TFEC: variants seen among roughly 807,000 people sequenced by gnomAD.
TFEC encodes class E basic helix-loop-helix protein 34.
A neutral mutation model predicts 41.6 loss-of-function variants in TFEC; 31 were observed. The ratio of observed to expected loss-of-function variants is 0.74; its 90% CI spans 0.56 to 1.01. The LOEUF is 1.01. Ranked by LOEUF, TFEC falls within the 50% of genes least tolerant of loss-of-function variation. The probability of loss-of-function intolerance (pLI) is 0.00; values close to 1 mark genes in which losing one functional copy is unlikely to be tolerated. For synonymous variants in TFEC, 143 were observed against 140.6 expected (o/e 1.02, Z -0.12); for missense variants, 402 against 404.1 (o/e 0.99, Z 0.04).
chr7:116,003,123 AAGAC>A (rs1256267166), intron 1 of TFEC, among the ~76,000 whole-genome samples: 18 of 152,122 alleles, frequency 1.2e-4, no homozygotes, highest in African/African-American at 3.4e-4. Flanking sequence ...CATCAACTAA[AAGAC>A]AGATAACAAG....
intron 1 of TFEC, among the ~76,000 whole-genome samples, chr7:116,113,131 T>G (rs1223576444): frequency 6.6e-6 from 1 of 152,012 alleles, no homozygotes; most frequent in East Asian, 1.9e-4. Context: ...TTTTTCCTTT[T>G]CCCTATTTCT....
chr7:116,135,487 C>T (rs1431368781), intron 1 of TFEC, among the ~76,000 whole-genome samples: 1 of 152,124 alleles, frequency 6.6e-6, no homozygotes, highest in African/African-American at 2.4e-5. Context: ...CTCATTAAAA[C>T]GTTCCCAAAG....
chr7:116,154,314 T>C (rs10268397), intron 1 of TFEC, among the ~76,000 whole-genome samples: 16,426 of 152,130 alleles, frequency 0.11, 955 homozygotes, highest in African/African-American at 0.15. Context: ...TCCTTTTCTT[T>C]CTCTATCTCC....
At chr7:115,990,247 A>C (rs780407919) in intron 1 of TFEC, among the ~76,000 whole-genome samples, 2 of 152,216 alleles carry the variant, frequency 1.3e-5, no homozygotes, top group African/African-American at 2.4e-5. Context: ...TCAAAGACAA[A>C]AGGTAGATGA....
chr7:115,952,590 A>G (rs917169614), intron 5 of TFEC, among the ~76,000 whole-genome samples: 3 of 152,090 alleles, frequency 2.0e-5, no homozygotes, highest in African/African-American at 7.2e-5. Context: ...GAATGTCAGA[A>G]CCTTCTTCTC....
At chr7:115,954,422 A>C (rs891269656) in intron 5 of TFEC, among the ~76,000 whole-genome samples, 164 bp downstream of exon 5, 3 of 152,066 alleles carry the variant, frequency 2.0e-5, no homozygotes, top group African/African-American at 7.2e-5. Flanking sequence ...AGCTTTTCTG[A>C]GAGCTCACAT....
At chr7:116,003,410 A>T (rs977934697) in intron 1 of TFEC, among the ~76,000 whole-genome samples, 14 of 152,168 alleles carry the variant, frequency 9.2e-5, no homozygotes, top group Admixed American at 3.3e-4. Context: ...TAGATGATTT[A>T]AAAAAAGATC....
At chr7:115,947,721 T>C (rs1328609097) in intron 6 of TFEC, among the ~76,000 whole-genome samples, 2 of 149,894 alleles carry the variant, frequency 1.3e-5, no homozygotes, top group Non-Finnish European at 3.0e-5. Flanking sequence ...ATGTCTTCTT[T>C]TGAGAAGTGT....
intron 3 of TFEC, among the ~76,000 whole-genome samples, chr7:116,092,061 C>T (rs191634109): frequency 1.6e-3 from 245 of 152,194 alleles, no homozygotes; most frequent in African/African-American, 5.6e-3. Context: ...CACTGTCCGA[C>T]CTTTGTCTCC....
chr7:115,981,557 G>A (rs1584632614), intron 2 of TFEC, among the ~76,000 whole-genome samples: 1 of 152,152 alleles, frequency 6.6e-6, no homozygotes. Flanking sequence ...ATTAAAATGT[G>A]AATAAGGTAT....
At chr7:115,963,657 C>T (rs965678905) in intron 3 of TFEC, among the ~76,000 whole-genome samples, 17 of 151,536 alleles carry the variant, frequency 1.1e-4, no homozygotes, top group African/African-American at 3.9e-4. Flanking sequence ...AATAAGCCAA[C>T]CACAATAGGA....
intron 1 of TFEC, among the ~76,000 whole-genome samples, chr7:116,138,277 CACAG>C (rs1798472403): frequency 6.6e-6 from 1 of 152,192 alleles, no homozygotes; most frequent in African/African-American, 2.4e-5. Context: ...ATTTTATCTT[CACAG>C]ACAGTGCACT....
At chr7:116,010,805 T>C (rs2130812920) in intron 1 of TFEC, among the ~76,000 whole-genome samples, 1 of 152,338 alleles carries the variant, frequency 6.6e-6, no homozygotes, top group East Asian at 1.9e-4. Flanking sequence ...AATTGTTGTT[T>C]AAAGTCTGTG....
At chr7:115,980,032 ACAG>A (rs1224577187) in intron 2 of TFEC, among the ~76,000 whole-genome samples, 5 of 152,194 alleles carry the variant, frequency 3.3e-5, no homozygotes, top group Admixed American at 6.6e-5. Context: ...ACTTGTTCCC[ACAG>A]CAGATCCATT....
intron 3 of TFEC, among the ~76,000 whole-genome samples, chr7:115,970,092 T>C (rs1793065113): frequency 6.6e-6 from 1 of 151,848 alleles, no homozygotes; most frequent in Non-Finnish European, 1.5e-5. Flanking sequence ...ATGTTACCTA[T>C]AGGACATGTA....
chr7:116,156,096 A>AAG (rs1798865914), intron 1 of TFEC, among the ~76,000 whole-genome samples: 1 of 152,142 alleles, frequency 6.6e-6, no homozygotes, highest in African/African-American at 2.4e-5. Context: ...CCTGATGCTG[A>AAG]AGGAGTCCTG....
In TFEC at chr7:116,039,901, C is replaced by T. The variant is rs142254627; in HGVS notation, c.199-55388G>A. On this transcript the variant is annotated intron_variant, in intron 3 of 8. Coordinates refer to the TFEC transcript ENST00000484212. ...TATAATTTTTGGTTGATATTTTTAA[C>T]TGTGATGAAACTACAATCCAACAAA... is the stretch of plus-strand genomic sequence containing the variant. Among the ~76,000 whole-genome samples the T allele has an allele frequency of 9.5e-3, 1,438 of 152,154 alleles. 15 individuals carry two copies. The highest frequency in any genetic ancestry group is 0.014 in the Non-Finnish European group (972 of 67,988).
chr7:115,972,218 C>T (rs1793165459), intron 3 of TFEC, among the ~76,000 whole-genome samples: 1 of 152,070 alleles, frequency 6.6e-6, no homozygotes, highest in Non-Finnish European at 1.5e-5. Flanking sequence ...TCACCTCTTT[C>T]TAAAGGACTT....
chr7:116,014,082 A>C (rs1054717074), intron 1 of TFEC, among the ~76,000 whole-genome samples: 6 of 152,196 alleles, frequency 3.9e-5, no homozygotes, highest in African/African-American at 1.4e-4. Flanking sequence ...GAGAAATTTT[A>C]GTTTCTTGAG....
Sources: allele counts gnomAD v4.1 joint callset (sites outside exome capture counted in the v4.1 genomes callset), GRCh38; gene constraint gnomAD v4.1.1; transcripts MANE v1.5; gene names NCBI Gene and HGNC (gene_info 2026-07-23, HGNC 2026-07-21).